Variants in PPIG observed in about 807,000 individuals in gnomAD.
PPIG encodes the protein peptidylprolyl isomerase G.
A neutral mutation model predicts 87.9 loss-of-function variants in PPIG; 26 were observed. The observed-to-expected ratio is 0.30, with a 90% CI of 0.22 to 0.41. PPIG has a LOEUF of 0.41. Ranked by LOEUF, PPIG falls within the 10% of genes least tolerant of loss-of-function variation. The probability of loss-of-function intolerance (pLI) is 1.00; values close to 1 mark genes in which losing one functional copy is unlikely to be tolerated. For synonymous variants in PPIG, 308 were observed against 276.5 expected (o/e 1.11, Z -1.13); for missense variants, 722 against 879.4 (o/e 0.82, Z 2.26).
chr2:169,590,050 GGTGA>G (rs1180044570), intron 1 of PPIG, among the ~76,000 whole-genome samples: 3 of 151,260 alleles, frequency 2.0e-5, no homozygotes, highest in African/African-American at 7.3e-5. Context: ...CAGAAGTTGT[GGTGA>G]GCTGAGATTG....
rs1686274378 is a variant in PPIG at position 169,639,961 on chromosome 2, TA to T, written c.*2441del. On this transcript the variant is annotated 3_prime_UTR_variant, in exon 14 of 14. Coordinates refer to ENST00000260970, the MANE Select transcript of PPIG (RefSeq NM_004792.3). ...GACTTAATATCCTTTTAAAAATATT[TA>T]AACTGATTTATTGCTCAATTGGTGA... 2 of 152,188 alleles carry T rather than the reference TA, an allele frequency of 1.3e-5. No homozygotes were observed. Among genetic ancestry groups the T allele is most frequent in the Non-Finnish European group, 2.9e-5 (2 of 68,008 alleles). The allele number at this position is 152,188 out of a possible 1,614,324, so 9.4% of individuals were successfully genotyped here.
chr2:169,604,873 TAA>T (rs1209396380), intron 4 of PPIG, among the ~76,000 whole-genome samples: 9 of 130,976 alleles, frequency 6.9e-5, no homozygotes, highest in Non-Finnish European at 4.9e-5. Flanking sequence ...AGACTCCATC[TAA>T]AAAAAAAAAA....
At chr2:169,611,780 C>G (rs923867986) in intron 7 of PPIG, among the ~76,000 whole-genome samples, 8 of 152,124 alleles carry the variant, frequency 5.3e-5, no homozygotes, top group African/African-American at 1.9e-4. Flanking sequence ...TCAGAATCTT[C>G]CCTCTAAATG....
At position 169,636,639 on chromosome 2, in the gene PPIG, A is replaced by G. The variant is rs1373046883; in HGVS notation, c.1381A>G (p.Arg461Gly). ...KVKKRAKSKS[R>G]SKSKEKSKSK... ...GAAGAAAAGGGCCAAATCTAAAAGT[A>G]GGAGTAAGAGCAAAGAGAAATCAAA... is the stretch of plus-strand genomic sequence containing the variant. The change falls in exon 14 of 14, where the codon AGG becomes GGG. Residue 461 changes from arginine to glycine, a missense_variant. Around this residue, in one of 4 missense-constraint regions of PPIG, gnomAD observed 476 missense variants for 483.1 expected, o/e 0.99. Coordinates refer to ENST00000260970, the MANE Select transcript of PPIG (RefSeq NM_004792.3). 1.3e-6 allele frequency: 2 copies of G among 1,594,492 alleles called. No homozygotes were observed. Among genetic ancestry groups the G allele is most frequent in the Non-Finnish European group, 1.7e-6 (2 of 1,175,386 alleles).
chr2:169,603,768 C>T (rs371656985), intron 2 of PPIG, 74 bp downstream of exon 2: 62 of 424,460 alleles, frequency 1.5e-4, no homozygotes, highest in Middle Eastern at 1.4e-3. Context: ...ATCTGTATTC[C>T]GGTTGATAAA....
intron 9 of PPIG, 22 bp from the exon 10 acceptor site, chr2:169,630,752 A>G (rs1413967095): frequency 6.4e-7 from 1 of 1,570,436 alleles, no homozygotes; most frequent in Non-Finnish European, 8.6e-7. Context: ...TGTTGATCAA[A>G]ACCTTTTTGT....
intron 1 of PPIG, among the ~76,000 whole-genome samples, chr2:169,598,485 G>T (rs1685084073): frequency 6.6e-6 from 1 of 152,004 alleles, no homozygotes; most frequent in African/African-American, 2.4e-5. Context: ...GGGAGACGGG[G>T]TTTCACCGTG....
intron 9 of PPIG, among the ~76,000 whole-genome samples, chr2:169,622,721 G>A (rs934606202): frequency 2.6e-5 from 4 of 152,074 alleles, no homozygotes; most frequent in Non-Finnish European, 4.4e-5. Context: ...CACACACTTG[G>A]GCCCCTGTTA....
intron 9 of PPIG, among the ~76,000 whole-genome samples, chr2:169,621,090 A>C (rs1685735389): frequency 6.6e-6 from 1 of 152,058 alleles, no homozygotes; most frequent in Admixed American, 6.6e-5. Context: ...CGAGAATTAG[A>C]ACTTTTTCTG....
chr2:169,618,939 C>G (rs1253131044), intron 9 of PPIG, among the ~76,000 whole-genome samples: 1 of 151,426 alleles, frequency 6.6e-6, no homozygotes, highest in Non-Finnish European at 1.5e-5. Flanking sequence ...TTTGTTTGCT[C>G]TTGCTTCTCT....
At position 169,636,690 on chromosome 2, in the gene PPIG, A is replaced by G; in HGVS notation, c.1432A>G (p.Asn478Asp). 3.1e-6 allele frequency: 5 copies of G among 1,609,720 alleles called. No individual in the cohort carries two copies. The highest frequency in any genetic ancestry group is 4.2e-6 in the Non-Finnish European group (5 of 1,178,958). The change falls in exon 14 of 14, where the codon AAT becomes GAT. Residue 478 changes from asparagine (N) to aspartate (D), a missense_variant. This residue lies in a region of PPIG where 476 missense variants were observed against 483.1 expected (regional missense o/e 0.99). Transcript: ENST00000260970. Reference protein sequence around the residue: ...SKSKERDSKHNRNEEKRMRSR... With the variant: ...SKSKERDSKHDRNEEKRMRSR... ...GAGTAAAGAAAGAGATTCAAAACATAATAGAAATGAAGAAAAGAGGATGAG... is the reference window on the plus strand; with the variant it reads ...GAGTAAAGAAAGAGATTCAAAACATGATAGAAATGAAGAAAAGAGGATGAG...
At chr2:169,634,337 C>T (rs1183243556) in intron 12 of PPIG, among the ~76,000 whole-genome samples, 4 of 152,166 alleles carry the variant, frequency 2.6e-5, no homozygotes, top group Non-Finnish European at 4.4e-5. Flanking sequence ...CCTAGAATTA[C>T]AGGCGTGAGC....
intron 11 of PPIG, 52 bp from the exon 12 acceptor site, chr2:169,633,108 C>T (rs995592314): frequency 8.2e-6 from 11 of 1,337,624 alleles, no homozygotes; most frequent in Admixed American, 1.7e-5. Context: ...ACATGTCTGG[C>T]CAACAAAAGT....
rs756530677 is a variant in PPIG at position 169,614,660 on chromosome 2, A to G, written c.483A>G (p.Ala161=). 3.8e-5 allele frequency: 61 copies of G among 1,612,854 alleles called. No homozygotes were observed. Among genetic ancestry groups the G allele is most frequent in the Non-Finnish European group, 4.4e-5 (52 of 1,179,904 alleles). Residue 161 remains alanine, a synonymous_variant, in exon 9 of 14, where the codon GCA becomes GCG. Coordinates refer to ENST00000260970, the MANE Select transcript of PPIG (RefSeq NM_004792.3). ...AGATTGAAAACCAGAAAACAGATGC[A>G]GCTAGCAAACCGTTTGCGGAGGTAC... ...VREIENQKTD[A]ASKPFAEVRI...
intron 9 of PPIG, among the ~76,000 whole-genome samples, chr2:169,623,344 G>A (rs1380469143): frequency 2.0e-5 from 3 of 152,144 alleles, no homozygotes; most frequent in East Asian, 1.9e-4. Context: ...CATTTATGCC[G>A]GAGGTTGCAA....
At chr2:169,587,091 A>T (rs992754726) in intron 1 of PPIG, among the ~76,000 whole-genome samples, 1 of 151,844 alleles carries the variant, frequency 6.6e-6, no homozygotes, top group African/African-American at 2.4e-5. Context: ...CTGCCACCAC[A>T]CCGGGTAATT....
intron 1 of PPIG, among the ~76,000 whole-genome samples, chr2:169,589,688 A>T (rs1684806049): frequency 6.6e-6 from 1 of 152,154 alleles, no homozygotes; most frequent in African/African-American, 2.4e-5. Flanking sequence ...GGGAAACAAA[A>T]CACTTCCTAG....
Position 169,636,789 on chromosome 2 carries a change from C to A in PPIG, c.1531C>A (p.Gln511Lys). The A allele has an allele frequency of 6.2e-7, 1 of 1,612,128 alleles. No homozygotes were observed. The highest frequency in any genetic ancestry group is 1.1e-5 in the South Asian group (1 of 90,728). The change falls in exon 14 of 14, where the codon CAG becomes AAG. Residue 511 changes from glutamine (Q) to lysine (K), a missense_variant. By Grantham distance (53) the Gln-to-Lys change is moderately conservative. Coordinates refer to ENST00000260970, the MANE Select transcript of PPIG (RefSeq NM_004792.3). Reference protein sequence around the residue: ...EKQSDSKGKDQERSRSKEKSK... With the variant: ...EKQSDSKGKDKERSRSKEKSK... ...GCAGTCTGATTCTAAAGGAAAAGAT[C>A]AGGAAAGGAGTAGAAGTAAAGAGAA... is the stretch of plus-strand genomic sequence containing the variant.
chr2:169,630,394 T>A (rs1441547421), intron 9 of PPIG, among the ~76,000 whole-genome samples: 1 of 152,198 alleles, frequency 6.6e-6, no homozygotes, highest in African/African-American at 2.4e-5. Flanking sequence ...TTTCTGTTAT[T>A]TCCCTGCACT....
Sources: allele counts gnomAD v4.1 joint callset (sites outside exome capture counted in the v4.1 genomes callset), GRCh38; gene constraint gnomAD v4.1.1; regional missense constraint gnomAD v4.1.1; transcripts MANE v1.5; gene names NCBI Gene and HGNC (gene_info 2026-07-23, HGNC 2026-07-21).